SEPTIN7: variants seen among roughly 807,000 people sequenced by gnomAD.
SEPTIN7 encodes the protein septin-7.
A neutral mutation model predicts 63.3 loss-of-function variants in SEPTIN7; 10 were observed. That is an observed-to-expected ratio of 0.16 (90% confidence interval 0.10 to 0.27). The LOEUF (loss-of-function observed/expected upper bound fraction) is 0.27, where lower values mean the gene tolerates loss of function less well. SEPTIN7 is among the 10% of genes least tolerant of loss of function. The probability of loss-of-function intolerance (pLI) is 1.00; values close to 1 mark genes in which losing one functional copy is unlikely to be tolerated. For missense variants in SEPTIN7, 310 were observed against 521.0 expected, an observed-to-expected ratio of 0.59 and a Z score of 3.94; for synonymous variants, 131 against 165.3, an observed-to-expected ratio of 0.79 and a Z score of 1.59.
chr7:35,826,613 G>A (rs1015357369), intron 1 of SEPTIN7, among the ~76,000 whole-genome samples: 1 of 151,834 alleles, frequency 6.6e-6, no homozygotes, highest in African/African-American at 2.4e-5. Context: ...ATCTCATTTT[G>A]TAATGATATT....
intron 7 of SEPTIN7, among the ~76,000 whole-genome samples, chr7:35,880,913 T>C (rs1460484769): frequency 3.3e-5 from 5 of 152,102 alleles, no homozygotes; most frequent in Non-Finnish European, 7.4e-5. Context: ...TTTTATGAAA[T>C]GTAAGGTCAA....
At chr7:35,849,632 C>T (rs902129207) in intron 3 of SEPTIN7, among the ~76,000 whole-genome samples, 1 of 152,132 alleles carries the variant, frequency 6.6e-6, no homozygotes, top group Non-Finnish European at 1.5e-5. Context: ...TAGCGCCCTC[C>T]CTTGGCAAAA....
Position 35,864,581 on chromosome 7 carries a change from A to G in SEPTIN7, c.276+923A>G, listed in dbSNP as rs566863904. On this transcript the variant is annotated intron_variant, in intron 4 of 13. Transcript: ENST00000350320. Reference sequence around the variant, plus strand: ...AAAATCTCAATAATTTTTTATATTGATTGTATACTGCAGTGATAATATTTT... The same window carrying G: ...AAAATCTCAATAATTTTTTATATTGGTTGTATACTGCAGTGATAATATTTT... 7.2e-5 allele frequency among the ~76,000 whole-genome samples: 11 copies of G among 152,328 alleles called. No homozygotes were observed. In the South Asian group the frequency reaches 2.1e-3, roughly 29 times the overall value.
Position 35,883,947 on chromosome 7 carries a change from A to C in SEPTIN7, c.780A>C (p.Lys260Asn). ...GSNTIIEVNG[K>N]RVRGRQYPWG... ...ATACTATCATTGAAGTTAATGGCAA[A>C]AGGGTCAGAGGAAGGCAGTATCCTT... Residue 260 changes from lysine (K) to asparagine (N), a missense_variant, in exon 9 of 14, where the codon AAA (lysine) becomes AAC (asparagine). Transcript: ENST00000350320. The C allele has an allele frequency of 6.2e-7, 1 of 1,611,130 alleles. No homozygotes were observed. Among genetic ancestry groups the C allele is most frequent in the Non-Finnish European group, 8.5e-7 (1 of 1,178,240 alleles).
intron 10 of SEPTIN7, among the ~76,000 whole-genome samples, chr7:35,889,695 C>T (rs1254045574): frequency 6.6e-6 from 1 of 152,098 alleles, no homozygotes; most frequent in African/African-American, 2.4e-5. Context: ...AGGTGCTTGC[C>T]ACCACGCCCA....
chr7:35,887,060 A>C (rs981906785), intron 10 of SEPTIN7, among the ~76,000 whole-genome samples: 1 of 152,222 alleles, frequency 6.6e-6, no homozygotes, highest in African/African-American at 2.4e-5. Context: ...TTTTGAGAAT[A>C]CAACACTTCA....
At chr7:35,829,207 C>T (rs999201548) in intron 1 of SEPTIN7, among the ~76,000 whole-genome samples, 5 of 140,434 alleles carry the variant, frequency 3.6e-5, no homozygotes, top group African/African-American at 1.4e-4. Flanking sequence ...ACGATCTCGG[C>T]TCACTGCAGC....
At chr7:35,825,663 T>C (rs1783475455) in intron 1 of SEPTIN7, among the ~76,000 whole-genome samples, 1 of 152,166 alleles carries the variant, frequency 6.6e-6, no homozygotes, top group Non-Finnish European at 1.5e-5. Context: ...AGGGATCTTG[T>C]TTTTATTAGC....
At chr7:35,831,601 A>G (rs1783837063) in intron 2 of SEPTIN7, 105 bp downstream of exon 2, 1 of 321,222 alleles carries the variant, frequency 3.1e-6, no homozygotes, top group Non-Finnish European at 6.0e-6. Context: ...GGTTTAATGC[A>G]TATTTCTAAC....
At chr7:35,854,681 T>G (rs749525912) in intron 3 of SEPTIN7, among the ~76,000 whole-genome samples, 10 of 152,198 alleles carry the variant, frequency 6.6e-5, no homozygotes, top group Admixed American at 2.0e-4. Flanking sequence ...CTCTTAACTT[T>G]TATCCCAGTA....
At chr7:35,858,528 G>T (rs1441876322) in intron 3 of SEPTIN7, among the ~76,000 whole-genome samples, 3 of 151,268 alleles carry the variant, frequency 2.0e-5, no homozygotes, top group Non-Finnish European at 2.9e-5. Context: ...ACTAATTTTT[G>T]TATTTTTAGT....
intron 3 of SEPTIN7, among the ~76,000 whole-genome samples, chr7:35,858,978 C>A (rs1039046482): frequency 6.6e-6 from 1 of 152,184 alleles, no homozygotes; most frequent in East Asian, 1.9e-4. Context: ...CCACACCCTG[C>A]CGTTTCTATT....
At chr7:35,839,608 C>T (rs1167478637) in intron 3 of SEPTIN7, among the ~76,000 whole-genome samples, 2 of 152,024 alleles carry the variant, frequency 1.3e-5, no homozygotes, top group Admixed American at 6.6e-5. Flanking sequence ...GGCTGGAGTA[C>T]AGTGCGCTAT....
intron 11 of SEPTIN7, among the ~76,000 whole-genome samples, chr7:35,892,799 C>A (rs1363745467): frequency 6.6e-6 from 1 of 152,078 alleles, no homozygotes; most frequent in East Asian, 1.9e-4. Context: ...GGAAATATAT[C>A]TCTTAAAGAG....
intron 10 of SEPTIN7, chr7:35,888,952 T>G: frequency 3.7e-6 from 1 of 270,614 alleles, no homozygotes; most frequent in South Asian, 3.5e-5. Flanking sequence ...TATCTCAGCT[T>G]CAATCTTGAG....
intron 3 of SEPTIN7, among the ~76,000 whole-genome samples, chr7:35,836,547 AT>A (rs1009086385): frequency 2.0e-5 from 3 of 150,624 alleles, no homozygotes; most frequent in African/African-American, 7.3e-5. Context: ...TGGCACTTCT[AT>A]TTTTTTTTCC....
At chr7:35,837,436 C>T (rs922102418) in intron 3 of SEPTIN7, among the ~76,000 whole-genome samples, 2 of 152,100 alleles carry the variant, frequency 1.3e-5, no homozygotes, top group African/African-American at 4.8e-5. Context: ...GTTAAAATTG[C>T]TAGCTAGTAT....
rs57782019 is a variant in SEPTIN7, at chr7:35,804,835, G to GTTT, written c.61+3581_61+3583dup. Among the ~76,000 whole-genome samples, 315 of 123,290 alleles carry GTTT rather than the reference G, an allele frequency of 2.6e-3. 3 individuals are homozygous for GTTT. Among genetic ancestry groups the GTTT allele is most frequent in the South Asian group, 9.4e-3 (35 of 3,720 alleles). 80.9% of individuals were successfully genotyped at this position (123,290 alleles called of 152,430 possible). A position where few individuals can be genotyped will look rare whatever the true frequency, so the allele number is the denominator to read the frequency against. On this transcript the variant is annotated intron_variant, in intron 1 of 13. Coordinates refer to ENST00000350320, the MANE Select transcript of SEPTIN7 (RefSeq NM_001788.6). Reference sequence around the variant, plus strand: ...AAATGGTAAGCGTGTTTCTTTTTTTGTTTTTTTTTTTTTTTTTTGAGACGT... The same window carrying GTTT: ...AAATGGTAAGCGTGTTTCTTTTTTTGTTTTTTTTTTTTTTTTTTTTTGAGACGT...
chr7:35,849,801 G>A (rs561022963), intron 3 of SEPTIN7, among the ~76,000 whole-genome samples: 127 of 152,172 alleles, frequency 8.3e-4, no homozygotes, highest in Non-Finnish European at 1.4e-3. Flanking sequence ...AGGCCTTCTG[G>A]TTGTCTTTTT....
Sources: allele counts gnomAD v4.1 joint callset (sites outside exome capture counted in the v4.1 genomes callset), GRCh38; gene constraint gnomAD v4.1.1; transcripts MANE v1.5; gene names NCBI Gene and HGNC (gene_info 2026-07-23, HGNC 2026-07-21).